Variants in LNX1 observed in about 807,000 individuals in gnomAD.
The protein encoded by LNX1 is E3 ubiquitin-protein ligase LNX.
Under a neutral mutation model 68.4 loss-of-function variants are expected in LNX1, and 54 were observed. That is an observed-to-expected ratio of 0.79 (90% CI 0.63 to 0.99). The LOEUF (loss-of-function observed/expected upper bound fraction) is 0.99. Among genes scored for constraint, LNX1 ranks in the 50% least tolerant of loss-of-function variants. LNX1 has a pLI of 0.00. For synonymous variants in LNX1, 336 were observed against 350.0 expected (o/e 0.96, Z 0.45); for missense variants, 906 against 926.4 (o/e 0.98, Z 0.29).
At chr4:53,599,609 A>T (rs1732904087) in intron 2 of LNX1, among the ~76,000 whole-genome samples, 1 of 151,866 alleles carries the variant, frequency 6.6e-6, no homozygotes. Flanking sequence ...AGATCCAAGA[A>T]CCCTCTCTTG....
At chr4:53,556,400 G>A (rs912381833) in intron 2 of LNX1, among the ~76,000 whole-genome samples, 1 of 152,170 alleles carries the variant, frequency 6.6e-6, no homozygotes, top group East Asian at 1.9e-4. Flanking sequence ...ATACATTTCT[G>A]TTGTTTTAAG....
rs570111670 is a variant in LNX1, at chr4:53,476,181, C to CAGCTACT, written c.1892+565_1892+571dup. Among the ~76,000 whole-genome samples, 635 of 152,230 alleles carry CAGCTACT rather than the reference C, an allele frequency of 4.2e-3. 5 individuals carry two copies. Among genetic ancestry groups the CAGCTACT allele is most frequent in the African/African-American group, 0.014 (562 of 41,534 alleles). ...GCGTGGTGGTGTGTGCCTGTAATCC[C>CAGCTACT]AGCTACTTGGGGAGGCTGAGGTAGG... On this transcript the variant is annotated intron_variant, in intron 9 of 10. Transcript: ENST00000263925.
chr4:53,583,986 G>A (rs1339571026), intron 1 of LNX1, among the ~76,000 whole-genome samples: 1 of 151,812 alleles, frequency 6.6e-6, no homozygotes, highest in Admixed American at 6.6e-5. Context: ...ACAAATGAAG[G>A]CAGAGTATTT....
At chr4:53,549,870 C>G (rs559265166) in intron 2 of LNX1, among the ~76,000 whole-genome samples, 23 of 152,314 alleles carry the variant, frequency 1.5e-4, no homozygotes, top group South Asian at 8.3e-4. Flanking sequence ...GACATCCCAG[C>G]TTTGCCTCTT....
intron 1 of LNX1, among the ~76,000 whole-genome samples, chr4:53,629,758 T>A (rs1288321009): frequency 6.6e-6 from 1 of 152,208 alleles, no homozygotes; most frequent in East Asian, 1.9e-4. Context: ...TCCCAGCTGA[T>A]GTCACCTGGA....
At chr4:53,560,188 T>A (rs1455740298) in intron 2 of LNX1, among the ~76,000 whole-genome samples, 9 of 152,194 alleles carry the variant, frequency 5.9e-5, no homozygotes, top group Non-Finnish European at 1.3e-4. Flanking sequence ...TTAAGTAGCA[T>A]GATGTATTAT....
chr4:53,635,934 G>C (rs1734455048), intron 1 of LNX1, among the ~76,000 whole-genome samples: 1 of 152,218 alleles, frequency 6.6e-6, no homozygotes, highest in South Asian at 2.1e-4. Context: ...TAAAATAGCA[G>C]TGTGGGCTGA....
At chr4:53,492,898 G>A (rs1392661812) in intron 6 of LNX1, among the ~76,000 whole-genome samples, 2 of 152,190 alleles carry the variant, frequency 1.3e-5, no homozygotes, top group African/African-American at 4.8e-5. Context: ...GGAGGTGCAA[G>A]TGTGGTCAGA....
rs375030364 is a variant in LNX1, at chr4:53,469,319, T to A, written c.1892+7434A>T. ...AGAACAAAGACACAGCGTACCAGAA[T>A]CTCTGGGACACATTCAAAGCAGTGT... On this transcript the variant is annotated intron_variant, in intron 9 of 10. Transcript: ENST00000263925. Among the ~76,000 whole-genome samples the A allele has an allele frequency of 2.0e-5, 3 of 152,162 alleles. No individual in the cohort carries two copies. The East Asian group carries it at 5.8e-4, about 29-fold the overall frequency.
At chr4:53,463,530 T>C (rs960871062) in intron 9 of LNX1, among the ~76,000 whole-genome samples, 2 of 152,100 alleles carry the variant, frequency 1.3e-5, no homozygotes, top group African/African-American at 4.8e-5. Context: ...CTGGGAAATG[T>C]GGCAGCTGTT....
chr4:53,505,201 A>C (rs191455703), intron 4 of LNX1, among the ~76,000 whole-genome samples: 1 of 152,186 alleles, frequency 6.6e-6, no homozygotes, highest in Non-Finnish European at 1.5e-5. Context: ...GGTGCCTTAC[A>C]TATAATAATC....
At chr4:53,647,615 C>T (rs1158613924) in intron 1 of LNX1, among the ~76,000 whole-genome samples, 1 of 152,146 alleles carries the variant, frequency 6.6e-6, no homozygotes, top group East Asian at 1.9e-4. Flanking sequence ...TGGTAAAATA[C>T]ACATAACATG....
chr4:53,486,925 G>A (rs11734681), intron 6 of LNX1, among the ~76,000 whole-genome samples: 83,591 of 151,588 alleles, frequency 0.55, 25,030 homozygotes, highest in Non-Finnish European at 0.67. Context: ...TAGTCCAGAA[G>A]CCTCATTTAT....
chr4:53,599,344 C>G (rs1732892804), intron 2 of LNX1, among the ~76,000 whole-genome samples: 1 of 152,200 alleles, frequency 6.6e-6, no homozygotes, highest in Non-Finnish European at 1.5e-5. Flanking sequence ...CTCACTGCTA[C>G]ACTCCCATTA....
At chr4:53,472,685 CAA>C (rs1309297098) in intron 9 of LNX1, among the ~76,000 whole-genome samples, 1,009 of 74,810 alleles carry the variant, frequency 0.013, 22 homozygotes, top group African/African-American at 0.046. Flanking sequence ...ACAACAACAA[CAA>C]AAAAAAAAAA....
chr4:53,579,764 C>T (rs1367407843), intron 1 of LNX1, among the ~76,000 whole-genome samples: 1 of 152,154 alleles, frequency 6.6e-6, no homozygotes, highest in Admixed American at 6.5e-5. Context: ...CCTTTCAATG[C>T]ACCCTGGCTT....
intron 2 of LNX1, among the ~76,000 whole-genome samples, chr4:53,565,648 G>A (rs1730623258): frequency 6.6e-6 from 1 of 152,214 alleles, no homozygotes; most frequent in African/African-American, 2.4e-5. Flanking sequence ...GCTGGACAGA[G>A]AATGACTTTG....
chr4:53,586,055 AT>A (rs547753539), intron 1 of LNX1, among the ~76,000 whole-genome samples: 7 of 152,156 alleles, frequency 4.6e-5, no homozygotes, highest in Non-Finnish European at 1.0e-4. Flanking sequence ...AAATGTATTA[AT>A]TTCCCTTTAA....
At position 53,478,711 on chromosome 4, in the gene LNX1, T is replaced by G; in HGVS notation, c.1517A>C (p.Lys506Thr). The G allele has an allele frequency of 6.2e-7, 1 of 1,614,060 alleles. No individual in the cohort carries two copies. Among genetic ancestry groups the G allele is most frequent in the Non-Finnish European group, 8.5e-7 (1 of 1,179,964 alleles). Residue 506 changes from lysine to threonine, a missense_variant, in exon 8 of 11, where the codon AAG (lysine) becomes ACG (threonine). Transcript: ENST00000263925. ...PLHPTITCHE[K>T]VVNIQKDPGE... Reference sequence around the variant, plus strand: ...GGGGTCTTTTTGGATATTTACCACCTTCTCATGACAAGTAATTGTAGGATG... The same window carrying G: ...GGGGTCTTTTTGGATATTTACCACCGTCTCATGACAAGTAATTGTAGGATG...
Sources: gnomAD v4.1 joint callset for allele counts (sites outside exome capture counted in the v4.1 genomes callset) on GRCh38, gnomAD v4.1.1 for gene constraint, MANE v1.5 for transcripts, NCBI Gene and HGNC (gene_info 2026-07-23, HGNC 2026-07-21) for gene names.